Variants in UQCRFS1 observed in about 807,000 individuals in gnomAD.
UQCRFS1 encodes the protein ubiquinol-cytochrome c reductase, Rieske iron-sulfur polypeptide 1, also known as cytochrome b-c1 complex subunit Rieske, mitochondrial.
Under a neutral mutation model 15.6 loss-of-function variants are expected in UQCRFS1, and 6 were observed. That is an observed-to-expected ratio of 0.38 (90% CI 0.21 to 0.76). UQCRFS1 has a LOEUF of 0.76. UQCRFS1 is among the 30% of genes least tolerant of loss of function. The pLI, the probability that UQCRFS1 is intolerant of heterozygous loss-of-function variation, is 0.44. For synonymous variants in UQCRFS1, 105 were observed against 154.3 expected, an observed-to-expected ratio of 0.68 and a Z score of 2.37; for missense variants, 203 against 366.7, an observed-to-expected ratio of 0.55 and a Z score of 3.65.
intron 1 of UQCRFS1, among the ~76,000 whole-genome samples, chr19:29,210,353 T>C (rs563463095): frequency 2.1e-4 from 12 of 57,748 alleles, no homozygotes; most frequent in South Asian, 1.2e-3. Context: ...CTAAGTCAGG[T>C]AAACCTCCAA....
At position 29,207,977 on chromosome 19, in the gene UQCRFS1, G is replaced by T; in HGVS notation, c.396C>A (p.Ala132=). The T allele has an allele frequency of 6.2e-7, 1 of 1,612,740 alleles. No homozygotes were observed. Residue 132 remains alanine (A), a synonymous_variant, in exon 2 of 2, where the codon GCC becomes GCA. Coordinates refer to ENST00000304863, the MANE Select transcript of UQCRFS1 (RefSeq NM_006003.3). ...TVGVAYAAKN[A]VTQFVSSMSA... is the part of the protein sequence containing the mutation. Reference sequence around the variant, plus strand: ...TCATGCTGGAAACGAACTGGGTGACGGCATTCTTGGCAGCATATGCGACAC... The same window carrying T: ...TCATGCTGGAAACGAACTGGGTGACTGCATTCTTGGCAGCATATGCGACAC...
intron 1 of UQCRFS1, among the ~76,000 whole-genome samples, chr19:29,211,194 A>G (rs1174148512): frequency 1.3e-5 from 2 of 151,796 alleles, no homozygotes; most frequent in Non-Finnish European, 2.9e-5. Context: ...AAAAAAACAA[A>G]CAACCCCATC....
In UQCRFS1 at chr19:29,213,000, T is replaced by G. The variant is rs936516508; in HGVS notation, c.119A>C (p.Gln40Pro). The change falls in exon 1 of 2, where the codon CAG becomes CCG. Residue 40 changes from glutamine (Q) to proline (P), a missense_variant. Physicochemically the swap from Gln to Pro is moderately conservative, Grantham distance 76. Transcript: ENST00000304863. The stretch of plus-strand genomic sequence containing the variant: ...GGGCCGCTTCAGGTCCAACACAGGC[T>G]GCTCCGGGGTGGCGGGCACCGTGGC... Reference protein sequence around the residue: ...VQATVPATPEQPVLDLKRPFL... With the variant: ...VQATVPATPEPPVLDLKRPFL... 1.4e-6 allele frequency: 2 copies of G among 1,409,494 alleles called. No individual in the cohort carries two copies. The highest frequency in any genetic ancestry group is 3.1e-5 in the South Asian group (2 of 64,866). 87.3% of individuals were successfully genotyped at this position (1,409,494 alleles called of 1,614,324 possible).
chr19:29,212,383 T>C (rs1479646863), intron 1 of UQCRFS1, among the ~76,000 whole-genome samples: 2 of 102,360 alleles, frequency 2.0e-5, no homozygotes, highest in African/African-American at 5.7e-5. Context: ...ATGTTTTTTT[T>C]GTTTTTTTTT....
In UQCRFS1 at chr19:29,207,658, G is replaced by A; in HGVS notation, c.715C>T (p.His239Tyr). ...CCAGATGCATCATAGTGTGACCCAT[G>A]GCAAGGGCAGTAATAACCACCAAAA... ...GDFGGYYCPCHGSHYDASGRI... is the reference protein window; with the variant it reads ...GDFGGYYCPCYGSHYDASGRI... Residue 239 changes from histidine (H) to tyrosine (Y), a missense_variant, in exon 2 of 2, where the codon CAT (histidine) becomes TAT (tyrosine). This residue lies in a region of UQCRFS1 where 91 missense variants were observed against 186.9 expected (regional missense o/e 0.49). Coordinates refer to ENST00000304863, the MANE Select transcript of UQCRFS1 (RefSeq NM_006003.3). The A allele has an allele frequency of 1.2e-6, 2 of 1,613,926 alleles. No homozygotes were observed. The highest frequency in any genetic ancestry group is 1.7e-6 in the Non-Finnish European group (2 of 1,179,862).
At chr19:29,210,616 T>G (rs1406005714) in intron 1 of UQCRFS1, among the ~76,000 whole-genome samples, 1 of 151,402 alleles carries the variant, frequency 6.6e-6, no homozygotes, top group African/African-American at 2.4e-5. Flanking sequence ...CAGTGTTTGT[T>G]TTTTGTCCTT....
intron 1 of UQCRFS1, among the ~76,000 whole-genome samples, chr19:29,208,661 G>A (rs1976616061): frequency 6.6e-6 from 1 of 152,086 alleles, no homozygotes; most frequent in East Asian, 1.9e-4. Context: ...GCCCCTTATA[G>A]TCCAATCTAT....
At chr19:29,209,538 T>G (rs1164211084) in intron 1 of UQCRFS1, among the ~76,000 whole-genome samples, 2 of 152,168 alleles carry the variant, frequency 1.3e-5, no homozygotes, top group African/African-American at 4.8e-5. Flanking sequence ...CTATGTGCTT[T>G]TCTGACTAAA....
chr19:29,206,092 T>TCC lies in UQCRFS1; in HGVS notation c.*1454_*1455dup, dbSNP rs1976591677. 6.6e-6 allele frequency: 1 copy of TCC among 152,082 alleles called. No homozygotes were observed. The highest frequency in any genetic ancestry group is 1.5e-5 in the Non-Finnish European group (1 of 68,026). 9.4% of individuals were successfully genotyped at this position (152,082 alleles called of 1,614,324 possible). On this transcript the variant is annotated 3_prime_UTR_variant, in exon 2 of 2. Transcript: ENST00000304863. ...GGTTTTTTAGTGTGTGGACCTGTGT[T>TCC]CCCCTCACAACTCAATGTTTCACAT...
At chr19:29,210,955 A>C (rs1289384542) in intron 1 of UQCRFS1, among the ~76,000 whole-genome samples, 1 of 151,824 alleles carries the variant, frequency 6.6e-6, no homozygotes, top group Admixed American at 6.6e-5. Flanking sequence ...ACAATGGTTG[A>C]ACTAGTTTAC....
In UQCRFS1 at chr19:29,212,384, G is replaced by GTT. The variant is rs74181465; in HGVS notation, c.214+519_214+520dup. Among the ~76,000 whole-genome samples the GTT allele has an allele frequency of 7.0e-3, 1,026 of 145,588 alleles. 9 individuals carry two copies. The highest frequency in any genetic ancestry group is 0.045 in the Middle Eastern group (13 of 286). On this transcript the variant is annotated intron_variant, in intron 1 of 1. Transcript: ENST00000304863. ...AACTGACCTTGTGTATGTTTTTTTT[G>GTT]TTTTTTTTTTGGTGGGGGGGTGATG...
At chr19:29,212,343 T>G (rs1976663486) in intron 1 of UQCRFS1, among the ~76,000 whole-genome samples, 1 of 151,974 alleles carries the variant, frequency 6.6e-6, no homozygotes, top group African/African-American at 2.4e-5. Flanking sequence ...CTGATTATGT[T>G]GTGACACTAC....
intron 1 of UQCRFS1, among the ~76,000 whole-genome samples, chr19:29,210,614 G>T (rs549853870): frequency 6.7e-6 from 1 of 149,892 alleles, no homozygotes; most frequent in Non-Finnish European, 1.5e-5. Context: ...TGCAGTGTTT[G>T]TTTTTTGTCC....
intron 1 of UQCRFS1, among the ~76,000 whole-genome samples, chr19:29,208,747 C>A (rs1976616713): frequency 3.3e-5 from 5 of 152,154 alleles, no homozygotes; most frequent in Admixed American, 3.3e-4. Flanking sequence ...AACTCTGCTG[C>A]AGAAAAATTA....
chr19:29,212,255 T>A (rs1221488814), intron 1 of UQCRFS1, among the ~76,000 whole-genome samples: 2 of 152,206 alleles, frequency 1.3e-5, no homozygotes, highest in African/African-American at 4.8e-5. Context: ...CCACGGATCC[T>A]GGTGCGAGTC....
In UQCRFS1 at chr19:29,212,950, C is replaced by G; in HGVS notation, c.169G>C (p.Gly57Arg). The G allele has an allele frequency of 7.1e-7, 1 of 1,403,664 alleles. No homozygotes were observed. The highest frequency in any genetic ancestry group is 9.2e-7 in the Non-Finnish European group (1 of 1,092,818). 87.0% of individuals were successfully genotyped at this position (1,403,664 alleles called of 1,614,324 possible). The change falls in exon 1 of 2, where the codon GGC (glycine) becomes CGC (arginine). Residue 57 changes from glycine (G) to arginine (R), a missense_variant. Coordinates refer to ENST00000304863, the MANE Select transcript of UQCRFS1 (RefSeq NM_006003.3). ...ACCAAAGGCCGGCGCACGGCCTGGC[C>G]GCTCAGCGACTCCCGGCTGAGGAAG... ...RPFLSRESLS[G>R]QAVRRPLVAS... is the part of the protein sequence containing the mutation.
chr19:29,210,750 G>A (rs995746275), intron 1 of UQCRFS1, among the ~76,000 whole-genome samples: 23 of 151,974 alleles, frequency 1.5e-4, no homozygotes, highest in South Asian at 2.1e-4. Context: ...TTCTTAATCC[G>A]GTCTATCATT....
chr19:29,211,427 T>C (rs1976646546), intron 1 of UQCRFS1, among the ~76,000 whole-genome samples: 1 of 152,206 alleles, frequency 6.6e-6, no homozygotes, highest in African/African-American at 2.4e-5. Flanking sequence ...AAGGATGGGC[T>C]AGGGTACTCT....
Position 29,207,521 on chromosome 19 carries a change from G to A in UQCRFS1, c.*27C>T. 1 of 1,557,128 alleles carries A rather than the reference G, an allele frequency of 6.4e-7. No individual in the cohort carries two copies. ...TCCTGAGGTGACATAAAGACTGAAA[G>A]AAGCCTATGACTTGAGTCCAAGTCT... On this transcript the variant is annotated 3_prime_UTR_variant, in exon 2 of 2. Transcript: ENST00000304863.
Sources: gnomAD v4.1 joint callset for allele counts (sites outside exome capture counted in the v4.1 genomes callset) on GRCh38, gnomAD v4.1.1 for gene constraint, gnomAD v4.1.1 regional missense constraint, MANE v1.5 for transcripts, NCBI Gene and HGNC (gene_info 2026-07-23, HGNC 2026-07-21) for gene names.